SKI: variants seen among roughly 807,000 people sequenced by gnomAD.
SKI encodes the protein ski oncogene.
In SKI, 23 loss-of-function variants were observed where a neutral mutation model predicts 59.3. The ratio of observed to expected loss-of-function variants is 0.39; its 90% CI spans 0.28 to 0.55. SKI has a LOEUF of 0.55. Among genes scored for constraint, SKI ranks in the 20% least tolerant of loss-of-function variants. The probability of loss-of-function intolerance (pLI) is 0.67; values close to 1 mark genes in which losing one functional copy is unlikely to be tolerated. For missense variants in SKI, 1,017 were observed against 1,038.9 expected (o/e 0.98, Z 0.29); for synonymous variants, 673 against 488.6 (o/e 1.38, Z -4.98).
At chr1:2,235,045 A>ATTT (rs34974355) in intron 1 of SKI, among the ~76,000 whole-genome samples, 1 of 135,398 alleles carries the variant, frequency 7.4e-6, no homozygotes, top group Non-Finnish European at 1.6e-5. Context: ...TTTTGTTGTT[A>ATTT]TTTTTTTTTT....
At chr1:2,260,400 A>G (rs909952776) in intron 1 of SKI, among the ~76,000 whole-genome samples, 5 of 152,062 alleles carry the variant, frequency 3.3e-5, no homozygotes, top group African/African-American at 1.2e-4. Context: ...CGTATTCTGG[A>G]TGCAAGTCCC....
intron 1 of SKI, among the ~76,000 whole-genome samples, chr1:2,261,567 C>G (rs1387882760): frequency 1.3e-5 from 2 of 152,260 alleles, no homozygotes; most frequent in African/African-American, 4.8e-5. Flanking sequence ...TAAACGGCCA[C>G]TACAGTTCTT....
chr1:2,299,577 G>T (rs756578354), intron 1 of SKI, among the ~76,000 whole-genome samples: 1 of 152,150 alleles, frequency 6.6e-6, no homozygotes, highest in Non-Finnish European at 1.5e-5. Context: ...GACATGGAGC[G>T]TCTCCTTGCT....
At chr1:2,241,156 C>T (rs971880452) in intron 1 of SKI, among the ~76,000 whole-genome samples, 4 of 152,234 alleles carry the variant, frequency 2.6e-5, no homozygotes, top group Non-Finnish European at 4.4e-5. Flanking sequence ...GGCCCAGGGT[C>T]CCCTCACACT....
chr1:2,258,517 T>C (rs551033289), intron 1 of SKI, among the ~76,000 whole-genome samples: 8 of 152,058 alleles, frequency 5.3e-5, no homozygotes, highest in African/African-American at 1.2e-4. Flanking sequence ...TTTTTTTTTT[T>C]TTCTCCCATG....
intron 1 of SKI, among the ~76,000 whole-genome samples, chr1:2,246,675 A>G (rs1639004147): frequency 3.3e-5 from 5 of 152,124 alleles, no homozygotes; most frequent in Admixed American, 2.6e-4. Context: ...GGTGGTGTTC[A>G]TGGAGAGGGC....
chr1:2,246,651 G>T (rs888831803), intron 1 of SKI, among the ~76,000 whole-genome samples: 3 of 152,198 alleles, frequency 2.0e-5, no homozygotes, highest in Non-Finnish European at 4.4e-5. Context: ...CTGGGCGGGG[G>T]CTCTGCCGGG....
chr1:2,305,943 G>C, intron 5 of SKI, 77 bp from the exon 6 acceptor site: 1 of 1,122,418 alleles, frequency 8.9e-7, no homozygotes. Flanking sequence ...CACGGGGTGG[G>C]CTGAGGACTG....
At chr1:2,282,713 A>G (rs1396490999) in intron 1 of SKI, among the ~76,000 whole-genome samples, 1 of 151,482 alleles carries the variant, frequency 6.6e-6, no homozygotes, top group Non-Finnish European at 1.5e-5. Flanking sequence ...CTTTACCCCC[A>G]CCCAGGAAAA....
chr1:2,266,634 GGGA>G (rs1639506300), intron 1 of SKI, among the ~76,000 whole-genome samples: 1 of 152,188 alleles, frequency 6.6e-6, no homozygotes, highest in African/African-American at 2.4e-5. Flanking sequence ...GGCCTTTCCA[GGGA>G]GGAGGGTGAT....
At chr1:2,272,554 CG>C (rs931460872) in intron 1 of SKI, among the ~76,000 whole-genome samples, 8 of 152,334 alleles carry the variant, frequency 5.3e-5, no homozygotes, top group Admixed American at 5.2e-4. Context: ...TGCCAAGGCT[CG>C]GGGAAGCCCT....
chr1:2,244,437 G>T (rs1168146681), intron 1 of SKI, among the ~76,000 whole-genome samples: 1 of 152,114 alleles, frequency 6.6e-6, no homozygotes, highest in Non-Finnish European at 1.5e-5. Flanking sequence ...AAAATTACCT[G>T]GGCGTGGTGG....
rs377517039 is a variant in SKI at position 2,304,526 on chromosome 1, C to T, written c.1708C>T (p.Arg570Cys). Reference sequence around the variant, plus strand: ...GTTCCTGCATGAGGTGGTCAAGATGCGCGTGAAGCAGGAGGAGAAGCTCAG... The same window carrying T: ...GTTCCTGCATGAGGTGGTCAAGATGTGCGTGAAGCAGGAGGAGAAGCTCAG... ...EKFLHEVVKMRVKQEEKLSAA... is the reference protein window; with the variant it reads ...EKFLHEVVKMCVKQEEKLSAA... The change falls in exon 5 of 7, where the codon CGC becomes TGC. Residue 570 changes from arginine (R) to cysteine (C), a missense_variant. Arg to Cys is a radical substitution (Grantham distance 180). Coordinates refer to ENST00000378536, the MANE Select transcript of SKI (RefSeq NM_003036.4). 38 of 1,580,964 alleles carry T rather than the reference C, an allele frequency of 2.4e-5. No individual in the cohort carries two copies. The highest frequency in any genetic ancestry group is 3.1e-5 in the Non-Finnish European group (36 of 1,165,006).
At chr1:2,293,790 G>A (rs537274434) in intron 1 of SKI, among the ~76,000 whole-genome samples, 6 of 152,266 alleles carry the variant, frequency 3.9e-5, no homozygotes, top group East Asian at 3.9e-4. Context: ...CCCAGCCCCC[G>A]TTTCCCCGCT....
chr1:2,280,410 A>T (rs10910047), intron 1 of SKI, among the ~76,000 whole-genome samples: 1 of 150,942 alleles, frequency 6.6e-6, no homozygotes, highest in African/African-American at 2.4e-5. Context: ...GCCCCTTCTC[A>T]CAAGGGGGCT....
At chr1:2,293,194 G>A (rs958957717) in intron 1 of SKI, among the ~76,000 whole-genome samples, 4 of 152,202 alleles carry the variant, frequency 2.6e-5, no homozygotes, top group Admixed American at 2.0e-4. Context: ...TGTGCGGAGC[G>A]GGGTTCTGGC....
intron 1 of SKI, among the ~76,000 whole-genome samples, chr1:2,280,130 G>A (rs952297761): frequency 6.6e-6 from 1 of 152,054 alleles, no homozygotes; most frequent in Non-Finnish European, 1.5e-5. Flanking sequence ...GCACTTTTGG[G>A]AGGCCGAGGC....
chr1:2,288,698 G>C (rs575214690), intron 1 of SKI, among the ~76,000 whole-genome samples: 16 of 152,284 alleles, frequency 1.1e-4, no homozygotes, highest in African/African-American at 3.6e-4. Flanking sequence ...CTGTCTGTGG[G>C]TCACCTCCAC....
intron 1 of SKI, among the ~76,000 whole-genome samples, chr1:2,257,949 G>A (rs1639307467): frequency 6.6e-6 from 1 of 152,076 alleles, no homozygotes; most frequent in Non-Finnish European, 1.5e-5. Flanking sequence ...TGTTGGTTAG[G>A]TTGGTCTCGA....
Sources: allele counts gnomAD v4.1 joint callset (sites outside exome capture counted in the v4.1 genomes callset), GRCh38; gene constraint gnomAD v4.1.1; transcripts MANE v1.5; gene names NCBI Gene and HGNC (gene_info 2026-07-23, HGNC 2026-07-21).